Variants in MTHFD1 observed in about 807,000 individuals in gnomAD.
MTHFD1 encodes the protein methylenetetrahydrofolate dehydrogenase, cyclohydrolase and formyltetrahydrofolate synthetase 1, also known as C-1-tetrahydrofolate synthase, cytoplasmic.
In MTHFD1, 44 loss-of-function variants were observed where a neutral mutation model predicts 110.3. The ratio of observed to expected loss-of-function variants is 0.40; its 90% confidence interval spans 0.31 to 0.51. The LOEUF is 0.51. Ranked by LOEUF, MTHFD1 falls within the 20% of genes least tolerant of loss-of-function variation. The pLI is 0.60. For synonymous variants in MTHFD1, 402 were observed against 428.8 expected, an observed-to-expected ratio of 0.94 and a Z score of 0.77; for missense variants, 909 against 1,173.1, an observed-to-expected ratio of 0.77 and a Z score of 3.29.
At position 64,431,838 on chromosome 14, in the gene MTHFD1, G is replaced by T. The variant is rs937710681; in HGVS notation, c.1471G>T (p.Asp491Tyr). The part of the protein sequence containing the change: ...PSVNGVRRFS[D>Y]IQIRRLKRLG... The stretch of plus-strand genomic sequence containing the variant: ...AGTAAATGGAGTGAGAAGGTTCTCT[G>T]ACATCCAAATCCGAAGGTTAAAGGT... The change falls in exon 15 of 28, where the codon GAC (aspartate) becomes TAC (tyrosine). Residue 491 changes from aspartate (D) to tyrosine (Y), a missense_variant. By Grantham distance (160) the Asp-to-Tyr change is radical (BLOSUM62 -3). Transcript: ENST00000652337. 6.2e-7 allele frequency: 1 copy of T among 1,614,120 alleles called. No homozygotes were observed. Among genetic ancestry groups the T allele is most frequent in the East Asian group, 2.2e-5 (1 of 44,890 alleles).
At chr14:64,441,247 T>G (rs1051727921) in intron 18 of MTHFD1, 138 bp from the exon 19 acceptor site, 3 of 813,622 alleles carry the variant, frequency 3.7e-6, no homozygotes, top group South Asian at 2.7e-5. Context: ...AAAAAAACCA[T>G]GAATGGTCCA....
At chr14:64,411,608 G>A (rs145197991) in intron 3 of MTHFD1, among the ~76,000 whole-genome samples, 1 of 152,242 alleles carries the variant, frequency 6.6e-6, no homozygotes, top group East Asian at 1.9e-4. Context: ...TTTTACATAA[G>A]ATGACAGATG....
chr14:64,394,581 C>T (rs143548803), intron 1 of MTHFD1, among the ~76,000 whole-genome samples: 150 of 151,668 alleles, frequency 9.9e-4, no homozygotes, highest in African/African-American at 3.5e-3. Context: ...CAAGCCTGGA[C>T]GGGAGACGTA....
At chr14:64,424,281 G>C (rs2078102383) in intron 8 of MTHFD1, 1 of 175,540 alleles carries the variant, frequency 5.7e-6, no homozygotes, top group Non-Finnish European at 1.2e-5. Context: ...CCTTTTAAGG[G>C]AAGTGTAATT....
chr14:64,444,114 G>T (rs1416432476), intron 21 of MTHFD1, among the ~76,000 whole-genome samples: 2 of 152,020 alleles, frequency 1.3e-5, no homozygotes, highest in Non-Finnish European at 2.9e-5. Context: ...ACTGGGGGCT[G>T]GGGGGCGGGG....
chr14:64,425,646 A>C, intron 9 of MTHFD1, 84 bp from the exon 10 acceptor site: 1 of 1,121,944 alleles, frequency 8.9e-7, no homozygotes, highest in South Asian at 1.2e-5. Flanking sequence ...TTTGTGATTG[A>C]ACTGGAGTGA....
intron 1 of MTHFD1, among the ~76,000 whole-genome samples, chr14:64,398,701 G>C (rs531969013): frequency 4.6e-5 from 7 of 152,180 alleles, no homozygotes; most frequent in Non-Finnish European, 1.0e-4. Context: ...TTTTTGTGAC[G>C]TGTGGAGAAG....
intron 4 of MTHFD1, 52 bp from the exon 5 acceptor site, chr14:64,415,306 C>G: frequency 6.5e-7 from 1 of 1,540,700 alleles, no homozygotes; most frequent in Non-Finnish European, 9.0e-7. Flanking sequence ...GTGTTTCTTC[C>G]TACCTTTTGA....
intron 4 of MTHFD1, among the ~76,000 whole-genome samples, chr14:64,413,681 C>G (rs1415609921): frequency 2.0e-5 from 3 of 152,166 alleles, no homozygotes; most frequent in African/African-American, 7.2e-5. Flanking sequence ...TAAGTAGCTG[C>G]TATTGTATTG....
intron 4 of MTHFD1, among the ~76,000 whole-genome samples, chr14:64,414,014 G>A (rs1306993908): frequency 6.6e-6 from 1 of 152,002 alleles, no homozygotes; most frequent in Non-Finnish European, 1.5e-5. Flanking sequence ...TTATTTTTGA[G>A]GCAGAGTTTT....
chr14:64,411,892 G>A (rs979419533), intron 3 of MTHFD1, among the ~76,000 whole-genome samples: 27 of 151,648 alleles, frequency 1.8e-4, no homozygotes, highest in African/African-American at 4.8e-4. Context: ...TAAGAGTGAA[G>A]CTCCAACCAG....
intron 11 of MTHFD1, among the ~76,000 whole-genome samples, 187 bp downstream of exon 11, chr14:64,426,379 G>C (rs569470360): frequency 6.6e-6 from 1 of 152,190 alleles, no homozygotes; most frequent in Non-Finnish European, 1.5e-5. Flanking sequence ...TATAATCATA[G>C]ATGAGAAAAT....
At chr14:64,400,407 A>C (rs572585916) in intron 1 of MTHFD1, among the ~76,000 whole-genome samples, 4 of 151,868 alleles carry the variant, frequency 2.6e-5, no homozygotes, top group African/African-American at 9.7e-5. Flanking sequence ...AGAGAAATAC[A>C]GGCCGGGTGC....
At chr14:64,421,063 C>T (rs182243385) in intron 8 of MTHFD1, among the ~76,000 whole-genome samples, 1 of 152,194 alleles carries the variant, frequency 6.6e-6, no homozygotes, top group African/African-American at 2.4e-5. Context: ...TCAACTTCAC[C>T]TTCACCTTCA....
At chr14:64,411,527 C>T (rs987159282) in intron 3 of MTHFD1, among the ~76,000 whole-genome samples, 14 of 152,302 alleles carry the variant, frequency 9.2e-5, no homozygotes, top group Admixed American at 1.3e-4. Context: ...GAAAAGTACA[C>T]GTTTTCATGT....
chr14:64,444,767 G>GT (rs2078277474), intron 22 of MTHFD1, 33 bp downstream of exon 22: 1 of 1,609,418 alleles, frequency 6.2e-7, no homozygotes, highest in Non-Finnish European at 8.5e-7. Context: ...ACGTGTCCTA[G>GT]AAAGCACCAC....
chr14:64,418,392 A>C (rs1430212168), intron 7 of MTHFD1, among the ~76,000 whole-genome samples: 1 of 151,090 alleles, frequency 6.6e-6, no homozygotes, highest in Non-Finnish European at 1.5e-5. Flanking sequence ...TCGAGGCTGC[A>C]GTAAGCTACG....
intron 22 of MTHFD1, chr14:64,445,025 T>A: frequency 2.3e-6 from 1 of 437,026 alleles, no homozygotes; most frequent in Non-Finnish European, 4.3e-6. Flanking sequence ...GTCTAGAGAC[T>A]TTTTTTATTA....
At position 64,415,477 on chromosome 14, in the gene MTHFD1, C is replaced by T. The variant is rs545513373; in HGVS notation, c.360C>T (p.Pro120=). 6.2e-6 allele frequency: 10 copies of T among 1,614,090 alleles called. No homozygotes were observed. Among genetic ancestry groups the T allele is most frequent in the African/African-American group, 5.3e-5 (4 of 75,026 alleles). ...NTEEVINAIA[P]EKDVDGLTSI... ...AAGAAGTGATCAATGCTATTGCACC[C>T]GAGAAGGATGTGGATGGGTAAGTGT... is the stretch of plus-strand genomic sequence containing the variant. The change falls in exon 5 of 28, where the codon CCC becomes CCT. Residue 120 remains proline (P), a synonymous_variant. Transcript: ENST00000652337.
Sources: allele counts gnomAD v4.1 joint callset (sites outside exome capture counted in the v4.1 genomes callset), GRCh38; gene constraint gnomAD v4.1.1; transcripts MANE v1.5; gene names NCBI Gene and HGNC (gene_info 2026-07-23, HGNC 2026-07-21).